The following EHMT1 variants were observed in gnomAD, a reference collection of about 807,000 sequenced individuals.
EHMT1 encodes the protein histone-lysine N-methyltransferase EHMT1.
A neutral mutation model predicts 147.2 loss-of-function variants in EHMT1; 15 were observed. The observed-to-expected ratio is 0.10, with a 90% CI of 0.07 to 0.16. The LOEUF is 0.16. EHMT1 is among the 10% of genes least tolerant of loss of function. The probability of loss-of-function intolerance (pLI) is 1.00; values close to 1 mark genes in which losing one functional copy is unlikely to be tolerated. For missense variants in EHMT1, 1,587 were observed against 1,772.4 expected, an observed-to-expected ratio of 0.90 and a Z score of 1.88; for synonymous variants, 795 against 709.6, an observed-to-expected ratio of 1.12 and a Z score of -1.91.
intron 1 of EHMT1, among the ~76,000 whole-genome samples, chr9:137,687,346 G>T (rs1303977530): frequency 6.6e-6 from 1 of 152,134 alleles, no homozygotes; most frequent in Non-Finnish European, 1.5e-5. Context: ...ATCATTTTCT[G>T]CAACAATAAC....
chr9:137,784,293 G>A (rs1951791285), intron 15 of EHMT1: 2 of 1,443,230 alleles, frequency 1.4e-6, no homozygotes, highest in African/African-American at 1.4e-5. Flanking sequence ...CTTTCAGAGA[G>A]GCGTGGCTCC....
chr9:137,834,926 C>A lies in EHMT1; in HGVS notation c.3870C>A (p.Ser1290Arg). The A allele has an allele frequency of 6.5e-7, 1 of 1,549,506 alleles. No homozygotes were observed. The highest frequency in any genetic ancestry group is 8.7e-7 in the Non-Finnish European group (1 of 1,152,236). The change falls in exon 27 of 27, where the codon AGC (serine) becomes AGA (arginine). Residue 1290 changes from serine to arginine, a missense_variant. Physicochemically the swap from Ser to Arg is moderately radical, Grantham distance 110. This residue lies in a region of EHMT1 where 141 missense variants were observed against 150.8 expected (regional missense o/e 0.94). Coordinates refer to ENST00000460843, the MANE Select transcript of EHMT1 (RefSeq NM_024757.5). ...EAQEDGLPDT[S>R]SAAAADPL Reference sequence around the variant, plus strand: ...AGGAGGACGGCTTGCCCGACACCAGCTCCGCGGCTGCCGCCGACCCCCTAT... The same window carrying A: ...AGGAGGACGGCTTGCCCGACACCAGATCCGCGGCTGCCGCCGACCCCCTAT...
Position 137,731,669 on chromosome 9 carries a change from G to GT in EHMT1, c.823+3143dup, listed in dbSNP as rs902532160. Among the ~76,000 whole-genome samples the GT allele has an allele frequency of 2.0e-5, 3 of 152,150 alleles. No homozygotes were observed. Among genetic ancestry groups the GT allele is most frequent in the African/African-American group, 7.2e-5 (3 of 41,436 alleles). ...TGCAGCCAGCGGCGCCTCTGCTTGA[G>GT]TTTCACTTGCACCTGCTGGGCTCAT... On this transcript the variant is annotated intron_variant, in intron 4 of 26. Transcript: ENST00000460843. This position sits in a 1 kb window ranked among gnomAD's most constrained non-coding sequence, Gnocchi z 4.3.
chr9:137,710,252 A>G (rs1225001080), intron 1 of EHMT1, among the ~76,000 whole-genome samples: 1 of 152,024 alleles, frequency 6.6e-6, no homozygotes, highest in African/African-American at 2.4e-5. Context: ...CGGGCGGATC[A>G]CTTGAGGCCA....
At position 137,811,476 on chromosome 9, in the gene EHMT1, C is replaced by T; in HGVS notation, c.2728C>T (p.Leu910=). The change falls in exon 19 of 27, where the codon CTG becomes TTG. Residue 910 remains leucine (L), a synonymous_variant. Transcript: ENST00000460843. ...NIRDNEENIC[L]HWAAFSGCVD... is the part of the protein sequence containing the mutation. ...GTCTGTTCAGGAGGAGAACATTTGC[C>T]TGCACTGGGCGGCGTTCTCCGGCTG... The T allele has an allele frequency of 1.2e-6, 2 of 1,612,634 alleles. No homozygotes were observed. Among genetic ancestry groups the T allele is most frequent in the East Asian group, 4.5e-5 (2 of 44,868 alleles).
chr9:137,647,790 T>G (rs1845012427), intron 1 of EHMT1, among the ~76,000 whole-genome samples: 1 of 151,780 alleles, frequency 6.6e-6, no homozygotes, highest in Non-Finnish European at 1.5e-5. Flanking sequence ...AGAGACGGGG[T>G]TTCACCGTGT....
intron 1 of EHMT1, among the ~76,000 whole-genome samples, chr9:137,652,207 G>C (rs1429349014): frequency 6.6e-6 from 1 of 152,120 alleles, no homozygotes; most frequent in South Asian, 2.1e-4. Flanking sequence ...ACGGTGATAC[G>C]GATGATCCTG....
chr9:137,623,039 T>C (rs574919894), intron 1 of EHMT1, among the ~76,000 whole-genome samples: 4 of 151,342 alleles, frequency 2.6e-5, no homozygotes, highest in African/African-American at 9.7e-5. Flanking sequence ...AGTGAAACCC[T>C]GTCTCTGCTA....
chr9:137,823,758 A>T (rs1053565849), intron 25 of EHMT1, among the ~76,000 whole-genome samples: 6 of 151,340 alleles, frequency 4.0e-5, no homozygotes, highest in Admixed American at 2.6e-4. Flanking sequence ...AGGTTTCGCC[A>T]TGTTGGCCAG....
At chr9:137,758,985 G>T (rs1444181405) in intron 9 of EHMT1, among the ~76,000 whole-genome samples, 1 of 151,978 alleles carries the variant, frequency 6.6e-6, no homozygotes, top group Admixed American at 6.6e-5. Context: ...AAATTAGCCG[G>T]GCGTAGTGGC....
chr9:137,784,494 ACT>A, intron 15 of EHMT1: 1 of 967,894 alleles, frequency 1.0e-6, no homozygotes. Flanking sequence ...GAAGTTACAG[ACT>A]TTCCACTTTT....
At chr9:137,665,114 T>TA (rs1426368916) in intron 1 of EHMT1, 1 of 152,212 alleles carries the variant, frequency 6.6e-6, no homozygotes, top group African/African-American at 2.4e-5. Flanking sequence ...CATGTGACCT[T>TA]AAAAATAGAA....
chr9:137,789,995 G>A (rs1440315986), intron 15 of EHMT1, among the ~76,000 whole-genome samples: 1 of 152,230 alleles, frequency 6.6e-6, no homozygotes, highest in Non-Finnish European at 1.5e-5. Flanking sequence ...CTCCCAAAGT[G>A]CTGGGATGAC....
chr9:137,730,806 A>G (rs1947043669), intron 4 of EHMT1, among the ~76,000 whole-genome samples: 1 of 152,204 alleles, frequency 6.6e-6, no homozygotes, highest in African/African-American at 2.4e-5. Flanking sequence ...GTCCCTTCCC[A>G]GGGCCGGAAT....
chr9:137,830,121 T>G (rs1956090616), intron 25 of EHMT1, among the ~76,000 whole-genome samples: 1 of 152,212 alleles, frequency 6.6e-6, no homozygotes, highest in South Asian at 2.1e-4. Flanking sequence ...TGTTTACATT[T>G]TTACATGTGT....
intron 1 of EHMT1, among the ~76,000 whole-genome samples, chr9:137,619,394 G>A (rs1201493163): frequency 6.6e-6 from 1 of 151,926 alleles, no homozygotes; most frequent in Non-Finnish European, 1.5e-5. Flanking sequence ...CCGGATCTGC[G>A]GGGAGGGCCT....
chr9:137,679,909 T>G (rs993287120), intron 1 of EHMT1, among the ~76,000 whole-genome samples: 2 of 152,232 alleles, frequency 1.3e-5, no homozygotes, highest in African/African-American at 4.8e-5. Flanking sequence ...TTTTGTGATT[T>G]ATTGTTTTAT....
chr9:137,742,667 A>G (rs895443289), intron 4 of EHMT1, among the ~76,000 whole-genome samples: 1 of 152,130 alleles, frequency 6.6e-6, no homozygotes, highest in Non-Finnish European at 1.5e-5. Flanking sequence ...TTTGGAAACC[A>G]CTGCTCCAGA....
In EHMT1 at chr9:137,815,967, G is replaced by A. The variant is rs1269162153; in HGVS notation, c.3279G>A (p.Glu1093=). The change falls in exon 23 of 27, where the codon GAG becomes GAA. Residue 1093 remains glutamate, a synonymous_variant. Coordinates refer to ENST00000460843, the MANE Select transcript of EHMT1 (RefSeq NM_024757.5). ...WYDKDGRLLP[E]FNMAEPPLIF... The stretch of plus-strand genomic sequence containing the variant: ...CACAGGATGGCCGGCTCCTGCCAGA[G>A]TTCAACATGGCGGAGCCTCCCTTGA... 18 of 1,609,598 alleles carry A rather than the reference G, an allele frequency of 1.1e-5. No individual in the cohort carries two copies. The highest frequency in any genetic ancestry group is 1.4e-5 in the Non-Finnish European group (16 of 1,178,058).
Sources: gnomAD v4.1 joint callset for allele counts (sites outside exome capture counted in the v4.1 genomes callset) on GRCh38, gnomAD v4.1.1 for gene constraint, gnomAD v4.1.1 regional missense constraint, Gnocchi (gnomAD v3.1) non-coding constraint, MANE v1.5 for transcripts, NCBI Gene and HGNC (gene_info 2026-07-23, HGNC 2026-07-21) for gene names.